The following JMJD1C variants were observed in gnomAD, a reference collection of about 807,000 sequenced individuals.
JMJD1C encodes jumonji domain-containing protein 1C.
Under a neutral mutation model 245.3 loss-of-function variants are expected in JMJD1C, and 31 were observed. The ratio of observed to expected loss-of-function variants is 0.13; its 90% CI spans 0.09 to 0.17. JMJD1C has a LOEUF of 0.17. Ranked by LOEUF, JMJD1C falls within the 10% of genes least tolerant of loss-of-function variation. The pLI is 1.00. For missense variants in JMJD1C, 2,691 were observed against 3,000.2 expected, an observed-to-expected ratio of 0.90 and a Z score of 2.41; for synonymous variants, 1,057 against 1,017.4, an observed-to-expected ratio of 1.04 and a Z score of -0.74.
chr10:63,310,322 C>A (rs1022467734), intron 2 of JMJD1C, among the ~76,000 whole-genome samples: 1 of 152,242 alleles, frequency 6.6e-6, no homozygotes, highest in African/African-American at 2.4e-5. Flanking sequence ...CCAAGAATAG[C>A]TAAGATAGAA....
chr10:63,172,462 C>T (rs1360711157), intron 24 of JMJD1C, among the ~76,000 whole-genome samples: 1 of 152,064 alleles, frequency 6.6e-6, no homozygotes, highest in African/African-American at 2.4e-5. Context: ...TATTTTCTGG[C>T]CTTCAGAATA....
chr10:63,198,567 A>C lies in JMJD1C; in HGVS notation c.5437T>G (p.Phe1813Val). 6.2e-7 allele frequency: 1 copy of C among 1,611,228 alleles called. No individual in the cohort carries two copies. Among genetic ancestry groups the C allele is most frequent in the Non-Finnish European group, 8.5e-7 (1 of 1,178,220 alleles). Residue 1813 changes from phenylalanine to valine, a missense_variant, in exon 12 of 26, where the codon TTC (phenylalanine) becomes GTC (valine). Phe to Val is a conservative substitution (Grantham distance 50). Around this residue, in one of 9 missense-constraint regions of JMJD1C, gnomAD observed 139 missense variants for 270.5 expected, o/e 0.51. Coordinates refer to ENST00000399262, the MANE Select transcript of JMJD1C (RefSeq NM_032776.3). ...KYILDIIGDK[F>V]CQLVTSEKTA... ...TTTTCAGATGTTACTAATTGACAGA[A>C]CTTATCACCTATTATATCCAAGATA... is the stretch of plus-strand genomic sequence containing the variant.
At chr10:63,173,601 A>G (rs1383888649) in intron 24 of JMJD1C, among the ~76,000 whole-genome samples, 2 of 152,150 alleles carry the variant, frequency 1.3e-5, no homozygotes, top group African/African-American at 2.4e-5. Context: ...GTCCATCTAC[A>G]GTACTAGCTA....
At chr10:63,347,526 G>A (rs376947743) in intron 2 of JMJD1C, among the ~76,000 whole-genome samples, 2 of 150,578 alleles carry the variant, frequency 1.3e-5, no homozygotes, top group Admixed American at 1.3e-4. Context: ...GGAAGTTGCA[G>A]TGAGCCAAGA....
chr10:63,245,724 C>T (rs1852124523), intron 3 of JMJD1C, among the ~76,000 whole-genome samples: 1 of 152,120 alleles, frequency 6.6e-6, no homozygotes, highest in Non-Finnish European at 1.5e-5. Context: ...CTCAGGTGAT[C>T]CTCCTGCCTT....
chr10:63,422,720 A>G (rs1352620509), intron 1 of JMJD1C, among the ~76,000 whole-genome samples: 3 of 152,232 alleles, frequency 2.0e-5, no homozygotes, highest in Non-Finnish European at 4.4e-5. Flanking sequence ...AAAAATAAAT[A>G]GTGGAACTTG....
chr10:63,500,154 G>A (rs116438504), intron 1 of JMJD1C, among the ~76,000 whole-genome samples: 19,182 of 152,250 alleles, frequency 0.13, 1,545 homozygotes, highest in South Asian at 0.28. Context: ...AGGCATGGTC[G>A]CTCATGCCTA....
chr10:63,183,428 C>T lies in JMJD1C; in HGVS notation c.7084+19G>A, dbSNP rs775292066. ...TATTCAACTCTTATTTCAAAGACTA[C>T]TTATTCTTTTAAGTTTACCTGCTTT... On this transcript the variant is annotated intron_variant, in intron 22 of 25. Coordinates refer to ENST00000399262, the MANE Select transcript of JMJD1C (RefSeq NM_032776.3). 2 of 1,596,478 alleles carry T rather than the reference C, an allele frequency of 1.3e-6. No individual in the cohort carries two copies. Among genetic ancestry groups the T allele is most frequent in the Non-Finnish European group, 8.6e-7 (1 of 1,169,380 alleles).
At chr10:63,215,955 T>A (rs1847931916) in intron 5 of JMJD1C, among the ~76,000 whole-genome samples, 1 of 152,214 alleles carries the variant, frequency 6.6e-6, no homozygotes, top group Non-Finnish European at 1.5e-5. Flanking sequence ...AACAAGGGTA[T>A]TAATCAAGAA....
intron 2 of JMJD1C, among the ~76,000 whole-genome samples, chr10:63,359,300 G>A (rs527424822): frequency 6.6e-6 from 1 of 152,270 alleles, no homozygotes; most frequent in South Asian, 2.1e-4. Flanking sequence ...AAGCTGTTGT[G>A]CACATTTATC....
chr10:63,224,173 G>A (rs887850254), intron 3 of JMJD1C, among the ~76,000 whole-genome samples: 1 of 152,160 alleles, frequency 6.6e-6, no homozygotes, highest in Non-Finnish European at 1.5e-5. Flanking sequence ...ATTAAAAACT[G>A]TTAAATTGAG....
intron 3 of JMJD1C, among the ~76,000 whole-genome samples, chr10:63,247,513 G>T (rs1002051482): frequency 6.6e-6 from 1 of 152,048 alleles, no homozygotes; most frequent in South Asian, 2.1e-4. Flanking sequence ...GGACAAAGAA[G>T]GTGGATCACT....
chr10:63,499,287 C>T (rs1172868141), intron 1 of JMJD1C, among the ~76,000 whole-genome samples: 3 of 152,156 alleles, frequency 2.0e-5, no homozygotes, highest in Non-Finnish European at 4.4e-5. Context: ...CTCTGAGGAA[C>T]CTTCATACTA....
rs1845033485 is a variant in JMJD1C, at chr10:63,193,080, A to T, written c.5934T>A (p.Thr1978=). 6.2e-7 allele frequency: 1 copy of T among 1,614,136 alleles called. No homozygotes were observed. Among genetic ancestry groups the T allele is most frequent in the Non-Finnish European group, 8.5e-7 (1 of 1,180,018 alleles). Residue 1978 remains threonine (T), a synonymous_variant, in exon 16 of 26, where the codon ACT becomes ACA. Transcript: ENST00000399262. ...CACCATTTTTCTCAGACTTCGGAGG[A>T]GTATTTTGCTGCTGAGACTCAGGCA... ...LCMPESQQQN[T]PPKSEKNGGS...
chr10:63,415,415 A>G (rs989060712), intron 1 of JMJD1C, among the ~76,000 whole-genome samples: 1 of 152,216 alleles, frequency 6.6e-6, no homozygotes, highest in African/African-American at 2.4e-5. Flanking sequence ...AAGCTTTTAT[A>G]TATCAAAATA....
chr10:63,255,422 G>A (rs1301667901), intron 3 of JMJD1C, among the ~76,000 whole-genome samples: 2 of 152,184 alleles, frequency 1.3e-5, no homozygotes, highest in East Asian at 1.9e-4. Context: ...AGTGTTATGA[G>A]AAGCAGTATC....
chr10:63,337,390 C>T (rs751257820), intron 2 of JMJD1C, among the ~76,000 whole-genome samples: 3 of 130,794 alleles, frequency 2.3e-5, no homozygotes, highest in Non-Finnish European at 3.1e-5. Flanking sequence ...TGCAGTGAGC[C>T]GAGGTCTTGC....
At chr10:63,352,392 C>A (rs1029386897) in intron 2 of JMJD1C, among the ~76,000 whole-genome samples, 7 of 152,260 alleles carry the variant, frequency 4.6e-5, no homozygotes, top group Middle Eastern at 6.8e-3. Context: ...AATCTCACCC[C>A]TTTGGGAGGC....
rs534223005 is a variant in JMJD1C, at chr10:63,314,152, C to T, written c.334-49388G>A. On this transcript the variant is annotated intron_variant, in intron 2 of 25. Transcript: ENST00000399262. ...CTTCTACATGTGACTTGCCAATTCT[C>T]CCAGCACTATTTGTTGAATAGGGTG... 2.0e-5 allele frequency among the ~76,000 whole-genome samples: 3 copies of T among 152,332 alleles called. No homozygotes were observed. The South Asian group carries it at 6.2e-4, about 32-fold the overall frequency.
Sources: allele counts gnomAD v4.1 joint callset (sites outside exome capture counted in the v4.1 genomes callset), GRCh38; gene constraint gnomAD v4.1.1; regional missense constraint gnomAD v4.1.1; transcripts MANE v1.5; gene names NCBI Gene and HGNC (gene_info 2026-07-23, HGNC 2026-07-21).